The following TCF3 variants were observed in gnomAD, a reference collection of about 807,000 sequenced individuals.
The protein encoded by TCF3 is transcription factor E2-alpha.
In TCF3, 54 loss-of-function variants were observed where a neutral mutation model predicts 72.3. The ratio of observed to expected loss-of-function variants is 0.75; its 90% CI spans 0.60 to 0.94. The LOEUF (loss-of-function observed/expected upper bound fraction) is 0.94, where lower values mean the gene tolerates loss of function less well. Ranked by LOEUF, TCF3 falls within the 40% of genes least tolerant of loss-of-function variation. The pLI is 0.00. For synonymous variants in TCF3, 525 were observed against 412.6 expected, an observed-to-expected ratio of 1.27 and a Z score of -3.30; for missense variants, 1,078 against 934.4, an observed-to-expected ratio of 1.15 and a Z score of -2.00.
At chr19:1,643,040 C>T (rs930510558) in intron 3 of TCF3, among the ~76,000 whole-genome samples, 2 of 152,192 alleles carry the variant, frequency 1.3e-5, no homozygotes, top group Admixed American at 6.5e-5. Flanking sequence ...CCCGTGGCCT[C>T]AGAGCCTGTC....
chr19:1,629,227 G>A (rs944159591), intron 5 of TCF3, among the ~76,000 whole-genome samples: 1 of 151,980 alleles, frequency 6.6e-6, no homozygotes, highest in Non-Finnish European at 1.5e-5. Flanking sequence ...ATGCCCTGGG[G>A]TGCTGGGGTC....
chr19:1,637,531 C>T (rs2064607112), intron 3 of TCF3, among the ~76,000 whole-genome samples: 1 of 152,200 alleles, frequency 6.6e-6, no homozygotes, highest in Non-Finnish European at 1.5e-5. Context: ...GAGACCCCAT[C>T]CCGCTCTTGC....
chr19:1,629,250 C>T (rs1296669950), intron 5 of TCF3, among the ~76,000 whole-genome samples: 4 of 152,016 alleles, frequency 2.6e-5, no homozygotes, highest in Admixed American at 2.6e-4. Context: ...AGGCATTTGT[C>T]TGTCCCAGGG....
chr19:1,631,865 C>T (rs1180358307), intron 5 of TCF3, 173 bp downstream of exon 5: 21 of 1,495,640 alleles, frequency 1.4e-5, no homozygotes, highest in Middle Eastern at 2.3e-4. Context: ...GTCCGGGCCA[C>T]GTCCCCTGCA....
chr19:1,650,345 G>GT, intron 1 of TCF3, 58 bp from the exon 2 acceptor site: 1 of 1,303,708 alleles, frequency 7.7e-7, no homozygotes, highest in Non-Finnish European at 1.1e-6. Context: ...GAGAAGAGTT[G>GT]TGAGTGGTCA....
chr19:1,609,953 G>A lies in TCF3; in HGVS notation c.*1754C>T, dbSNP rs752088590. On this transcript the variant is annotated 3_prime_UTR_variant, in exon 19 of 19. Coordinates refer to ENST00000262965, the MANE Select transcript of TCF3 (RefSeq NM_003200.5). Reference sequence around the variant, plus strand: ...CCACAAGGCCTCAATGCAGGGAGGGGCATGAAGGGCACATGAAGGCCCCCA... The same window carrying A: ...CCACAAGGCCTCAATGCAGGGAGGGACATGAAGGGCACATGAAGGCCCCCA... 1.7e-5 allele frequency: 4 copies of A among 232,598 alleles called. No individual in the cohort carries two copies. Among genetic ancestry groups the A allele is most frequent in the Non-Finnish European group, 3.4e-5 (4 of 117,756 alleles). The allele number at this position is 232,598 out of a possible 1,614,324, so 14.4% of individuals were successfully genotyped here. A position where few individuals can be genotyped will look rare whatever the true frequency, so the allele number is the denominator to read the frequency against.
intron 2 of TCF3, 70 bp downstream of exon 2, chr19:1,650,107 C>G: frequency 1.4e-6 from 2 of 1,411,862 alleles, no homozygotes; most frequent in African/African-American, 1.4e-5. Flanking sequence ...CAAACACTCT[C>G]CCCTGAAAAC....
Position 1,614,470 on chromosome 19 carries a change from G to A in TCF3, c.1822+815C>T, listed in dbSNP as rs572896886. Among the ~76,000 whole-genome samples, 1 of 152,308 alleles carries A rather than the reference G, an allele frequency of 6.6e-6. No homozygotes were observed. The highest frequency in any genetic ancestry group is 6.5e-5 in the Admixed American group (1 of 15,308). On this transcript the variant is annotated intron_variant, in intron 18 of 18. Transcript: ENST00000262965. The surrounding 1 kb of genome is among the most constrained non-coding windows in gnomAD (Gnocchi z 5.6). Reference sequence around the variant, plus strand: ...CAGAGGGACGGACGGGCGGGATGGAGGGGAGGGCGGAAGGCAGACAGCAGA... The same window carrying A: ...CAGAGGGACGGACGGGCGGGATGGAAGGGAGGGCGGAAGGCAGACAGCAGA...
At chr19:1,612,056 G>A (rs2061054551) in intron 18 of TCF3, 18 of 820,934 alleles carry the variant, frequency 2.2e-5, no homozygotes, top group Non-Finnish European at 3.3e-5. Flanking sequence ...GGTATCAGGG[G>A]GTGTCTGGGG....
chr19:1,651,646 C>G (rs1314056343), intron 1 of TCF3, among the ~76,000 whole-genome samples: 1 of 152,080 alleles, frequency 6.6e-6, no homozygotes, highest in East Asian at 1.9e-4. Flanking sequence ...GGGGGGCGCG[C>G]TGGAACGCCT....
intron 3 of TCF3, among the ~76,000 whole-genome samples, chr19:1,641,288 CA>C (rs2065206798): frequency 6.6e-6 from 1 of 151,832 alleles, no homozygotes; most frequent in Non-Finnish European, 1.5e-5. Flanking sequence ...CAGAAGGTTG[CA>C]AACTATAGGA....
intron 18 of TCF3, chr19:1,612,284 G>C (rs759261756): frequency 1.9e-6 from 3 of 1,613,488 alleles, no homozygotes; most frequent in Non-Finnish European, 2.5e-6. Context: ...CGCTTTGTCC[G>C]ACTTGAGGTG....
At chr19:1,612,456 C>CT in intron 18 of TCF3, 1 of 1,427,356 alleles carries the variant, frequency 7.0e-7, no homozygotes, top group African/African-American at 1.4e-5. Flanking sequence ...ACCGAGGCCT[C>CT]TGTTAGTGAT....
chr19:1,630,528 A>C (rs2063576267), intron 5 of TCF3, among the ~76,000 whole-genome samples: 1 of 152,142 alleles, frequency 6.6e-6, no homozygotes, highest in Non-Finnish European at 1.5e-5. Context: ...TTTCCCCGCA[A>C]GCCAACAATG....
intron 3 of TCF3, 24 bp from the exon 4 acceptor site, chr19:1,632,429 A>G (rs775660849): frequency 1.3e-6 from 2 of 1,577,240 alleles, no homozygotes; most frequent in Non-Finnish European, 1.7e-6. Context: ...AGAGAGAGTT[A>G]TGGGTCACCC....
chr19:1,623,837 G>A, intron 8 of TCF3, 114 bp downstream of exon 8: 2 of 1,049,042 alleles, frequency 1.9e-6, no homozygotes, highest in Non-Finnish European at 2.8e-6. Flanking sequence ...AATCACAGGG[G>A]GCCTGTCCAC....
intron 3 of TCF3, among the ~76,000 whole-genome samples, chr19:1,633,224 G>A (rs562076595): frequency 1.3e-5 from 2 of 152,332 alleles, no homozygotes; most frequent in South Asian, 2.1e-4. Flanking sequence ...GAGCACACCC[G>A]TGGAGAAGCA....
intron 16 of TCF3, among the ~76,000 whole-genome samples, chr19:1,616,244 G>A (rs960349328): frequency 1.2e-4 from 18 of 152,262 alleles, no homozygotes; most frequent in African/African-American, 3.4e-4. Flanking sequence ...GGAGGCCGAG[G>A]TGGGTGGATC....
chr19:1,612,464 G>A, intron 18 of TCF3: 1 of 1,328,926 alleles, frequency 7.5e-7, no homozygotes, highest in Non-Finnish European at 1.1e-6. Flanking sequence ...CTCTGTTAGT[G>A]ATGCGCCAAG....
Sources: gnomAD v4.1 joint callset for allele counts (sites outside exome capture counted in the v4.1 genomes callset) on GRCh38, gnomAD v4.1.1 for gene constraint, Gnocchi (gnomAD v3.1) non-coding constraint, MANE v1.5 for transcripts, NCBI Gene and HGNC (gene_info 2026-07-23, HGNC 2026-07-21) for gene names.